AGBL4: variants seen among roughly 807,000 people sequenced by gnomAD.
The protein encoded by AGBL4 is cytosolic carboxypeptidase 6.
AGBL4 carries 58 observed loss-of-function variants against 66.4 expected under a neutral mutation model. The ratio of observed to expected loss-of-function variants is 0.87; its 90% CI spans 0.71 to 1.09. The LOEUF is 1.09. Among genes scored for constraint, AGBL4 ranks in the 50% least tolerant of loss-of-function variants. The pLI is 0.00. For synonymous variants in AGBL4, 234 were observed against 222.9 expected (o/e 1.05, Z -0.44); for missense variants, 579 against 631.0 (o/e 0.92, Z 0.88).
At chr1:49,554,238 T>C (rs1454832579) in intron 3 of AGBL4, among the ~76,000 whole-genome samples, 1 of 152,114 alleles carries the variant, frequency 6.6e-6, no homozygotes, top group African/African-American at 2.4e-5. Flanking sequence ...TTCATCACAA[T>C]ACTCCAACAG....
chr1:49,212,238 C>G (rs1177303902), intron 4 of AGBL4, among the ~76,000 whole-genome samples: 2 of 152,056 alleles, frequency 1.3e-5, no homozygotes, highest in Non-Finnish European at 2.9e-5. Context: ...AAATATCCAT[C>G]TTGAATAAAT....
chr1:49,540,837 T>C (rs1272335459), intron 3 of AGBL4, among the ~76,000 whole-genome samples: 1 of 152,178 alleles, frequency 6.6e-6, no homozygotes, highest in Non-Finnish European at 1.5e-5. Flanking sequence ...AAGTCCAATC[T>C]TTATAAACCA....
chr1:49,589,402 C>T (rs1015652556), intron 3 of AGBL4, among the ~76,000 whole-genome samples: 1 of 151,938 alleles, frequency 6.6e-6, no homozygotes, highest in Non-Finnish European at 1.5e-5. Flanking sequence ...TTCCCTTTTT[C>T]ACTATACCAT....
At chr1:49,709,310 G>A (rs930661027) in intron 2 of AGBL4, among the ~76,000 whole-genome samples, 35 of 152,258 alleles carry the variant, frequency 2.3e-4, no homozygotes, top group East Asian at 7.7e-4. Context: ...GTAGCACTGC[G>A]GTGGGCTCTG....
At chr1:49,847,040 G>A (rs1380708023) in intron 2 of AGBL4, among the ~76,000 whole-genome samples, 1 of 152,054 alleles carries the variant, frequency 6.6e-6, no homozygotes, top group Non-Finnish European at 1.5e-5. Flanking sequence ...CATACTACAA[G>A]GCTTTATTAA....
intron 3 of AGBL4, among the ~76,000 whole-genome samples, chr1:49,541,009 A>G (rs1651968278): frequency 6.6e-6 from 1 of 152,242 alleles, no homozygotes; most frequent in Admixed American, 6.5e-5. Flanking sequence ...TGTCTAAAAT[A>G]TGGCTTTTGT....
intron 3 of AGBL4, among the ~76,000 whole-genome samples, chr1:49,509,418 A>G (rs1417495863): frequency 1.3e-5 from 2 of 151,880 alleles, no homozygotes; most frequent in Non-Finnish European, 2.9e-5. Flanking sequence ...ATACTTGGAA[A>G]GGTAAATAAT....
chr1:48,924,865 C>A (rs1337592192), intron 5 of AGBL4, among the ~76,000 whole-genome samples: 1 of 151,938 alleles, frequency 6.6e-6, no homozygotes. Flanking sequence ...GGAAATGGAA[C>A]CTATACAACA....
intron 8 of AGBL4, among the ~76,000 whole-genome samples, chr1:48,650,464 T>A (rs1645910260): frequency 6.7e-6 from 1 of 149,074 alleles, no homozygotes; most frequent in Non-Finnish European, 1.5e-5. Flanking sequence ...CTTCCTTCCT[T>A]CCTTCCTTCC....
At chr1:49,666,588 T>A (rs989724838) in intron 3 of AGBL4, among the ~76,000 whole-genome samples, 1 of 151,440 alleles carries the variant, frequency 6.6e-6, no homozygotes, top group South Asian at 2.1e-4. Context: ...TAAATAAATA[T>A]ATAAATAAAA....
intron 6 of AGBL4, among the ~76,000 whole-genome samples, chr1:48,789,308 A>G (rs1645484013): frequency 7.2e-6 from 1 of 138,730 alleles, no homozygotes; most frequent in African/African-American, 2.8e-5. Context: ...TTTTTTTTTG[A>G]GACGGCATCT....
At chr1:49,964,691 A>G in intron 1 of AGBL4, among the ~76,000 whole-genome samples, 1 of 152,108 alleles carries the variant, frequency 6.6e-6, no homozygotes, top group East Asian at 1.9e-4. Flanking sequence ...AAAACAATGT[A>G]TTATGTCATT....
At chr1:49,688,202 C>T (rs927338766) in intron 3 of AGBL4, among the ~76,000 whole-genome samples, 5 of 152,208 alleles carry the variant, frequency 3.3e-5, no homozygotes, top group African/African-American at 1.2e-4. Context: ...TCCACACCCT[C>T]CCCACAACAA....
At chr1:49,572,191 A>C (rs1016133309) in intron 3 of AGBL4, among the ~76,000 whole-genome samples, 1 of 152,164 alleles carries the variant, frequency 6.6e-6, no homozygotes, top group African/African-American at 2.4e-5. Flanking sequence ...CTAAGAATAC[A>C]TAGGCTATGG....
At chr1:49,236,201 T>G (rs1030691781) in intron 4 of AGBL4, among the ~76,000 whole-genome samples, 3 of 152,006 alleles carry the variant, frequency 2.0e-5, no homozygotes, top group Non-Finnish European at 2.9e-5. Flanking sequence ...GGCTAATTTT[T>G]TTTTGTATTA....
chr1:49,264,115 A>G (rs879624655), intron 3 of AGBL4, among the ~76,000 whole-genome samples: 2 of 152,158 alleles, frequency 1.3e-5, no homozygotes, highest in African/African-American at 4.8e-5. Context: ...TAATAATTTC[A>G]GAAATTTGGT....
intron 3 of AGBL4, among the ~76,000 whole-genome samples, chr1:49,486,946 G>T (rs1647080991): frequency 6.6e-6 from 1 of 151,816 alleles, no homozygotes; most frequent in South Asian, 2.1e-4. Context: ...AACTATAAAA[G>T]AAATGCATAC....
At chr1:49,950,033 T>TATATATACACAC (rs1557611828) in intron 1 of AGBL4, among the ~76,000 whole-genome samples, 31 of 139,640 alleles carry the variant, frequency 2.2e-4, no homozygotes, top group South Asian at 2.2e-4. Flanking sequence ...TGTGTGTGTG[T>TATATATACACAC]ATATATATAC....
intron 6 of AGBL4, among the ~76,000 whole-genome samples, chr1:48,722,058 A>G (rs1647159830): frequency 1.3e-5 from 2 of 148,464 alleles, no homozygotes; most frequent in Non-Finnish European, 3.0e-5. Context: ...TAAGAGGAAC[A>G]GAGAGAGAGA....
Sources: allele counts gnomAD v4.1 joint callset (sites outside exome capture counted in the v4.1 genomes callset), GRCh38; gene constraint gnomAD v4.1.1; transcripts MANE v1.5; gene names NCBI Gene and HGNC (gene_info 2026-07-23, HGNC 2026-07-21).